ERMARD: variants seen among roughly 807,000 people sequenced by gnomAD.
The protein encoded by ERMARD is endoplasmic reticulum membrane-associated RNA degradation protein.
ERMARD carries 71 observed loss-of-function variants against 83.9 expected under a neutral mutation model. The ratio of observed to expected loss-of-function variants is 0.85; its 90% CI spans 0.70 to 1.03. The LOEUF is 1.03. Ranked by LOEUF, ERMARD falls within the 50% of genes least tolerant of loss-of-function variation. ERMARD has a pLI of 0.00. For missense variants in ERMARD, 838 were observed against 810.9 expected (o/e 1.03, Z -0.41); for synonymous variants, 284 against 298.6 (o/e 0.95, Z 0.50).
intron 15 of ERMARD, 112 bp downstream of exon 15, chr6:169,776,177 A>T: frequency 6.5e-7 from 1 of 1,546,816 alleles, no homozygotes; most frequent in Non-Finnish European, 8.8e-7. Flanking sequence ...TAGTCTTAGA[A>T]TCCCACTGTT....
chr6:169,766,922 A>G, intron 10 of ERMARD: 1 of 383,144 alleles, frequency 2.6e-6, no homozygotes, highest in East Asian at 4.0e-5. Flanking sequence ...ATGATTAGCT[A>G]TAATTATTTA....
At chr6:169,760,508 C>A (rs1301446731) in intron 7 of ERMARD, 134 bp from the exon 8 acceptor site, 1 of 640,808 alleles carries the variant, frequency 1.6e-6, no homozygotes, top group Non-Finnish European at 2.7e-6. Flanking sequence ...TACTCTCTAA[C>A]AAGTCCCCTG....
chr6:169,763,018 A>G (rs949829722), intron 9 of ERMARD, among the ~76,000 whole-genome samples: 2 of 152,124 alleles, frequency 1.3e-5, no homozygotes, highest in African/African-American at 4.8e-5. Flanking sequence ...GAGCCCCTCC[A>G]TGTGTGTACA....
intron 10 of ERMARD, 59 bp from the exon 11 acceptor site, chr6:169,768,044 G>A (rs1792438768): frequency 1.4e-6 from 2 of 1,408,092 alleles, no homozygotes; most frequent in Admixed American, 3.4e-5. Context: ...AACTCTGAAA[G>A]TTCTGTATGT....
At chr6:169,780,935 A>T (rs7756953) in intron 17 of ERMARD, among the ~76,000 whole-genome samples, 1 of 151,996 alleles carries the variant, frequency 6.6e-6, no homozygotes, top group Non-Finnish European at 1.5e-5. Flanking sequence ...TGACTTGAGT[A>T]TGCTTGGATT....
intron 9 of ERMARD, among the ~76,000 whole-genome samples, chr6:169,764,198 G>A (rs1281361257): frequency 2.6e-5 from 4 of 151,678 alleles, no homozygotes; most frequent in East Asian, 3.9e-4. Flanking sequence ...CTCATCTCAC[G>A]ATTCTTCCTC....
chr6:169,751,580 A>G, upstream of ERMARD: 5 of 1,603,608 alleles, frequency 3.1e-6, no homozygotes, highest in Non-Finnish European at 4.3e-6. Flanking sequence ...AGTGCCCGCC[A>G]GGGCTCCAAA....
At chr6:169,751,550 C>T (rs1790078332), upstream of ERMARD, 4 of 1,610,740 alleles carry the variant, frequency 2.5e-6, no homozygotes, top group Admixed American at 3.4e-5. Flanking sequence ...AGTCTCCCAC[C>T]TGCGCCTCGT....
chr6:169,760,024 C>T (rs769552338), intron 7 of ERMARD, 50 bp downstream of exon 7: 16 of 1,609,966 alleles, frequency 9.9e-6, no homozygotes, highest in Non-Finnish European at 1.4e-5. Flanking sequence ...TAGATATTTG[C>T]AAAGTCAGTA....
intron 14 of ERMARD, 103 bp from the exon 15 acceptor site, chr6:169,775,837 A>ACTTTCCT (rs1562348681): frequency 2.3e-5 from 31 of 1,377,418 alleles, no homozygotes; most frequent in Non-Finnish European, 2.9e-5. Context: ...AGTGAGATTC[A>ACTTTCCT]CAGTCAGGTC....
intron 7 of ERMARD, 121 bp from the exon 8 acceptor site, chr6:169,760,521 G>A: frequency 1.5e-6 from 1 of 678,180 alleles, no homozygotes; most frequent in South Asian, 2.0e-5. Context: ...GTCCCCTGCT[G>A]CAGGGGTCAC....
intron 17 of ERMARD, among the ~76,000 whole-genome samples, chr6:169,780,397 C>T (rs1444867664): frequency 6.6e-6 from 1 of 152,156 alleles, no homozygotes; most frequent in Admixed American, 6.5e-5. Flanking sequence ...TTATATTATC[C>T]TTTTAGCTTC....
Position 169,768,117 on chromosome 6 carries a change from C to T in ERMARD, c.1005C>T (p.His335=). Residue 335 remains histidine (H), a synonymous_variant, in exon 11 of 18, where the codon CAC becomes CAT. Transcript: ENST00000366773. ...YTTFDQILAK[H]LNDGKINQLP... is the part of the protein sequence containing the mutation. ...TGATGTTTTAGATATTGGCAAAACA[C>T]TTGAATGATGGTAAAATCAATCAGC... 1 of 1,614,048 alleles carries T rather than the reference C, an allele frequency of 6.2e-7. No homozygotes were observed. The highest frequency in any genetic ancestry group is 1.6e-4 in the Middle Eastern group (1 of 6,062).
intron 17 of ERMARD, among the ~76,000 whole-genome samples, chr6:169,780,743 T>G (rs1401320155): frequency 6.6e-6 from 1 of 152,248 alleles, no homozygotes; most frequent in African/African-American, 2.4e-5. Context: ...ACAGGTCCAC[T>G]TGTCCAGGGA....
chr6:169,778,358 A>G (rs1793828104), intron 16 of ERMARD, among the ~76,000 whole-genome samples: 1 of 152,250 alleles, frequency 6.6e-6, no homozygotes, highest in African/African-American at 2.4e-5. Context: ...ATCTATCTAA[A>G]TGAATATTTG....
chr6:169,761,285 C>A (rs903782260), intron 8 of ERMARD, among the ~76,000 whole-genome samples: 1 of 152,198 alleles, frequency 6.6e-6, no homozygotes, highest in African/African-American at 2.4e-5. Flanking sequence ...GGAGCCACCT[C>A]GGCTCACTGC....
Position 169,753,938 on chromosome 6 carries a change from A to C in ERMARD, c.81A>C (p.Gln27His), listed in dbSNP as rs1435676805. 1.9e-6 allele frequency: 3 copies of C among 1,613,768 alleles called. No homozygotes were observed. The South Asian group carries it at 3.3e-5, about 18-fold the overall frequency. Reference protein sequence around the residue: ...VYDIICNLGFQLRENCDINSI... With the variant: ...VYDIICNLGFHLRENCDINSI... ...ATATAATTTGTAATCTTGGGTTTCAACTCAGAGAAAATTGTGATATCAATA... is the reference window on the plus strand; with the variant it reads ...ATATAATTTGTAATCTTGGGTTTCACCTCAGAGAAAATTGTGATATCAATA... Residue 27 changes from glutamine (Q) to histidine (H), a missense_variant, in exon 2 of 18, where the codon CAA becomes CAC. Physicochemically the swap from Gln to His is conservative, Grantham distance 24 (BLOSUM62 0). Transcript: ENST00000366773.
chr6:169,751,839 G>A, intron 1 of ERMARD, 176 bp downstream of exon 1: 1 of 956,876 alleles, frequency 1.0e-6, no homozygotes, highest in Non-Finnish European at 1.4e-6. Flanking sequence ...GGTATCGGAC[G>A]CTCGGCCCTG....
At chr6:169,760,294 G>C (rs1341241953) in intron 7 of ERMARD, among the ~76,000 whole-genome samples, 1 of 152,150 alleles carries the variant, frequency 6.6e-6, no homozygotes, top group African/African-American at 2.4e-5. Context: ...TTTACCTCTT[G>C]TGTCTTTGTA....
Sources: gnomAD v4.1 joint callset for allele counts (sites outside exome capture counted in the v4.1 genomes callset) on GRCh38, gnomAD v4.1.1 for gene constraint, MANE v1.5 for transcripts, NCBI Gene and HGNC (gene_info 2026-07-23, HGNC 2026-07-21) for gene names.